CTNND2: variants seen among roughly 807,000 people sequenced by gnomAD.
The protein encoded by CTNND2 is catenin delta 2, also known as catenin delta-2.
In CTNND2, 22 loss-of-function variants were observed where a neutral mutation model predicts 144.4. That is an observed-to-expected ratio of 0.15 (90% confidence interval 0.11 to 0.22). The LOEUF (loss-of-function observed/expected upper bound fraction) is 0.22, where lower values mean the gene tolerates loss of function less well. Ranked by LOEUF, CTNND2 falls within the 10% of genes least tolerant of loss-of-function variation. CTNND2 has a pLI of 1.00. For synonymous variants in CTNND2, 751 were observed against 695.6 expected, an observed-to-expected ratio of 1.08 and a Z score of -1.25; for missense variants, 1,353 against 1,618.8, an observed-to-expected ratio of 0.84 and a Z score of 2.82.
chr5:11,101,887 ATGTGTGTG>A (rs201704440), intron 14 of CTNND2, among the ~76,000 whole-genome samples: 6,139 of 145,264 alleles, frequency 0.042, 158 homozygotes, highest in African/African-American at 0.064. Context: ...ACGACCACAT[ATGTGTGTG>A]TGTGTGTGTG....
chr5:11,240,425 C>A (rs1742192337), intron 9 of CTNND2, among the ~76,000 whole-genome samples: 3 of 98,484 alleles, frequency 3.0e-5, no homozygotes, highest in African/African-American at 1.3e-4. Context: ...CACACTGACA[C>A]ACACTCACAC....
intron 2 of CTNND2, among the ~76,000 whole-genome samples, chr5:11,611,858 G>C (rs1433761323): frequency 1.3e-5 from 2 of 152,144 alleles, no homozygotes; most frequent in Non-Finnish European, 2.9e-5. Context: ...CTTCTCTTCT[G>C]CATCTCTCAC....
At chr5:11,323,233 G>T (rs113741088) in intron 9 of CTNND2, among the ~76,000 whole-genome samples, 4 of 118,046 alleles carry the variant, frequency 3.4e-5, no homozygotes, top group African/African-American at 1.7e-4. Flanking sequence ...TTAGAGATTG[G>T]GGGGGGGGGT....
At chr5:11,711,979 A>T (rs965730336) in intron 2 of CTNND2, among the ~76,000 whole-genome samples, 2 of 152,222 alleles carry the variant, frequency 1.3e-5, no homozygotes, top group African/African-American at 4.8e-5. Context: ...GTAGGAGTTC[A>T]AACACTGACT....
chr5:11,176,852 T>C (rs1404307695), intron 11 of CTNND2, among the ~76,000 whole-genome samples: 1 of 152,154 alleles, frequency 6.6e-6, no homozygotes, highest in East Asian at 1.9e-4. Context: ...TTAATGTTCC[T>C]ACCCTGCAGG....
intron 10 of CTNND2, among the ~76,000 whole-genome samples, chr5:11,215,429 G>A (rs904566739): frequency 1.3e-5 from 2 of 152,124 alleles, no homozygotes; most frequent in Non-Finnish European, 2.9e-5. Context: ...CTTGTTTGTG[G>A]GAGCCAGTGC....
chr5:11,758,085 C>T (rs891391356), intron 1 of CTNND2, among the ~76,000 whole-genome samples: 20 of 151,924 alleles, frequency 1.3e-4, no homozygotes, highest in African/African-American at 4.6e-4. Context: ...AAACAATACA[C>T]ATTAGTTTCA....
At chr5:11,081,014 T>C (rs985554654) in intron 16 of CTNND2, among the ~76,000 whole-genome samples, 4 of 151,104 alleles carry the variant, frequency 2.6e-5, no homozygotes, top group African/African-American at 7.3e-5. Flanking sequence ...GAGGTGGAGG[T>C]TGCAGTAAGT....
At chr5:11,861,619 C>CCCCA (rs969527904) in intron 1 of CTNND2, among the ~76,000 whole-genome samples, 3 of 152,216 alleles carry the variant, frequency 2.0e-5, no homozygotes, top group African/African-American at 7.2e-5. Context: ...ACCATCCCCA[C>CCCCA]CCCACAATTG....
chr5:11,314,234 T>C (rs183043094), intron 9 of CTNND2, among the ~76,000 whole-genome samples: 6 of 152,332 alleles, frequency 3.9e-5, no homozygotes, highest in Admixed American at 3.9e-4. Context: ...TTCCTGACTT[T>C]CTGATTCCTG....
Position 11,411,652 on chromosome 5 carries a change from T to C in CTNND2, c.323A>G (p.Asp108Gly), listed in dbSNP as rs752405267. Reference protein sequence around the residue: ...AEEQFQWQSQDGQKDIEDELT... With the variant: ...AEEQFQWQSQGGQKDIEDELT... ...CTCATCTTCGATATCTTTTTGACCA[T>C]CTGAAATGAAATATTTTAAAGTGAT... The change falls in exon 5 of 22, where the codon GAT becomes GGT. Residue 108 changes from aspartate (D) to glycine (G), a missense_variant and splice_region_variant. Asp to Gly is a moderately conservative substitution (Grantham distance 94). Transcript: ENST00000304623. 3.8e-6 allele frequency: 6 copies of C among 1,575,914 alleles called. No individual in the cohort carries two copies. The highest frequency in any genetic ancestry group is 2.3e-5 in the South Asian group (2 of 88,608).
intron 9 of CTNND2, among the ~76,000 whole-genome samples, chr5:11,312,307 G>A (rs917242802): frequency 6.7e-6 from 1 of 149,190 alleles, no homozygotes; most frequent in African/African-American, 2.5e-5. Context: ...GTATTAGTCT[G>A]TTTTCATGCT....
intron 3 of CTNND2, among the ~76,000 whole-genome samples, chr5:11,525,649 T>C (rs1278825676): frequency 1.3e-5 from 2 of 152,218 alleles, no homozygotes; most frequent in African/African-American, 2.4e-5. Flanking sequence ...CATCCATCCC[T>C]GCCCAGGGCC....
intron 2 of CTNND2, among the ~76,000 whole-genome samples, chr5:11,667,148 T>G (rs1581692983): frequency 1.3e-5 from 2 of 152,338 alleles, no homozygotes; most frequent in East Asian, 1.9e-4. Context: ...TGCCACATTT[T>G]CTTTGTCCAG....
intron 10 of CTNND2, among the ~76,000 whole-genome samples, chr5:11,229,566 A>C: frequency 6.6e-6 from 1 of 152,124 alleles, no homozygotes; most frequent in East Asian, 1.9e-4. Flanking sequence ...ATTTAAAAAT[A>C]ATCCCTATAT....
chr5:11,531,891 T>C (rs1773776903), intron 3 of CTNND2, among the ~76,000 whole-genome samples: 1 of 152,226 alleles, frequency 6.6e-6, no homozygotes, highest in African/African-American at 2.4e-5. Context: ...TTTTATATTT[T>C]ATTTGGCTTA....
chr5:11,803,425 A>C (rs1791806926), intron 1 of CTNND2, among the ~76,000 whole-genome samples: 1 of 152,238 alleles, frequency 6.6e-6, no homozygotes, highest in Non-Finnish European at 1.5e-5. Context: ...GGGAAAAGGA[A>C]TCTGAACTGT....
chr5:11,589,962 T>C (rs1011148788), intron 2 of CTNND2, among the ~76,000 whole-genome samples: 1 of 152,180 alleles, frequency 6.6e-6, no homozygotes, highest in Non-Finnish European at 1.5e-5. Context: ...AGGGAAACAC[T>C]AGTCTTCATT....
At chr5:11,252,642 G>A (rs1743778416) in intron 9 of CTNND2, among the ~76,000 whole-genome samples, 1 of 152,166 alleles carries the variant, frequency 6.6e-6, no homozygotes, top group Non-Finnish European at 1.5e-5. Flanking sequence ...AACATTTGCA[G>A]TATAGAGAGC....
Sources: gnomAD v4.1 joint callset for allele counts (sites outside exome capture counted in the v4.1 genomes callset) on GRCh38, gnomAD v4.1.1 for gene constraint, MANE v1.5 for transcripts, NCBI Gene and HGNC (gene_info 2026-07-23, HGNC 2026-07-21) for gene names.